The following MGAM2 variants were observed in gnomAD, a reference collection of about 807,000 sequenced individuals.
MGAM2 encodes maltase-glucoamylase 2 (putative), also known as probable maltase-glucoamylase 2.
MGAM2 carries 98 observed loss-of-function variants against 96.1 expected under a neutral mutation model. That is an observed-to-expected ratio of 1.02 (90% CI 0.87 to 1.21). The LOEUF (loss-of-function observed/expected upper bound fraction) is 1.21. Ranked by LOEUF, MGAM2 falls within the 50% of genes most tolerant of loss-of-function variation. The pLI, the probability that MGAM2 is intolerant of heterozygous loss-of-function variation, is 0.00. For missense variants in MGAM2, 2,055 were observed against 1,182.4 expected, an observed-to-expected ratio of 1.74 and a Z score of -10.82; for synonymous variants, 749 against 414.8, an observed-to-expected ratio of 1.81 and a Z score of -9.79.
At chr7:142,195,723 T>G (rs4726495) in intron 37 of MGAM2, among the ~76,000 whole-genome samples, 103,793 of 151,818 alleles carry the variant, frequency 0.68, 35,530 homozygotes, top group African/African-American at 0.72. Context: ...CAGCTCACTA[T>G]TTTCAGGCGA....
At chr7:142,160,994 C>A (rs905805334) in intron 21 of MGAM2, 131 bp from the exon 22 acceptor site, 1 of 557,794 alleles carries the variant, frequency 1.8e-6, no homozygotes, top group Middle Eastern at 3.5e-4. Flanking sequence ...CATGTGTCCA[C>A]CCAATATCAA....
At chr7:142,123,269 C>A (rs540481030) in intron 3 of MGAM2, among the ~76,000 whole-genome samples, 34 of 150,562 alleles carry the variant, frequency 2.3e-4, no homozygotes, top group Non-Finnish European at 3.7e-4. Context: ...AAATTTGCAT[C>A]AAATTTTTGG....
intron 46 of MGAM2, among the ~76,000 whole-genome samples, chr7:142,214,439 T>C (rs987257399): frequency 1.3e-5 from 2 of 152,202 alleles, no homozygotes; most frequent in Admixed American, 6.5e-5. Flanking sequence ...CTCATTAAGG[T>C]GATAAGCAAC....
At chr7:142,120,551 AG>A (rs1391505834) in intron 3 of MGAM2, among the ~76,000 whole-genome samples, 170 bp downstream of exon 3, 1 of 152,134 alleles carries the variant, frequency 6.6e-6, no homozygotes, top group Non-Finnish European at 1.5e-5. Context: ...TGAGGGAAGC[AG>A]GGTTGAAAAA....
intron 36 of MGAM2, 52 bp from the exon 37 acceptor site, chr7:142,189,315 A>C: frequency 1.6e-6 from 1 of 609,080 alleles, no homozygotes. Context: ...GGGCATTTCT[A>C]GTGAATGTGC....
At position 142,161,106 on chromosome 7, in the gene MGAM2, G is replaced by A; in HGVS notation, c.2346-19G>A. The A allele has an allele frequency of 1.4e-6, 1 of 701,876 alleles. No homozygotes were observed. 43.5% of individuals were successfully genotyped at this position (701,876 alleles called of 1,614,324 possible). ...CATCTCATCTACATTCTCTGAAACTGGGAAGTACTCTTTTACAGCCGGAGG... is the reference window on the plus strand; with the variant it reads ...CATCTCATCTACATTCTCTGAAACTAGGAAGTACTCTTTTACAGCCGGAGG... On this transcript the variant is annotated intron_variant, in intron 21 of 47. Transcript: ENST00000477922.
intron 31 of MGAM2, 41 bp downstream of exon 31, chr7:142,173,395 G>A (rs1224152551): frequency 1.4e-6 from 1 of 692,238 alleles, no homozygotes; most frequent in Non-Finnish European, 2.7e-6. Context: ...ATTAGTTACA[G>A]GAATTTGTGG....
In MGAM2 at chr7:142,161,120, T is replaced by A; in HGVS notation, c.2346-5T>A. 1 of 702,392 alleles carries A rather than the reference T, an allele frequency of 1.4e-6. No homozygotes were observed. The highest frequency in any genetic ancestry group is 2.6e-6 in the Non-Finnish European group (1 of 384,544). 43.5% of individuals were successfully genotyped at this position (702,392 alleles called of 1,614,324 possible). On this transcript the variant is annotated splice_region_variant and splice_polypyrimidine_tract_variant and intron_variant, in intron 21 of 47. Coordinates refer to ENST00000477922, the MANE Select transcript of MGAM2 (RefSeq NM_001293626.2). ...TCTCTGAAACTGGGAAGTACTCTTT[T>A]ACAGCCGGAGGAATTCCCTGGGACT...
At chr7:142,185,896 A>G (rs1217700584) in intron 34 of MGAM2, 93 bp from the exon 35 acceptor site, 3 of 634,800 alleles carry the variant, frequency 4.7e-6, no homozygotes, top group East Asian at 2.7e-5. Flanking sequence ...GCAGAGACTG[A>G]TCTGGGCAGG....
intron 47 of MGAM2, 139 bp from the exon 48 acceptor site, chr7:142,219,731 C>CT: frequency 1.7e-6 from 1 of 592,982 alleles, no homozygotes; most frequent in South Asian, 2.1e-5. Context: ...ATGACCTAAC[C>CT]CAAAAAGGAA....
chr7:142,149,469 A>G (rs1795489335), intron 15 of MGAM2, among the ~76,000 whole-genome samples: 1 of 152,186 alleles, frequency 6.6e-6, no homozygotes, highest in Admixed American at 6.5e-5. Context: ...AAAATCTATA[A>G]TTATACCTGA....
At chr7:142,202,644 G>C (rs749980224) in intron 45 of MGAM2, among the ~76,000 whole-genome samples, 1 of 152,156 alleles carries the variant, frequency 6.6e-6, no homozygotes, top group Non-Finnish European at 1.5e-5. Flanking sequence ...CATAGGACAT[G>C]ATTTCATTCT....
intron 6 of MGAM2, 147 bp from the exon 7 acceptor site, chr7:142,133,834 C>A: frequency 1.9e-6 from 1 of 515,214 alleles, no homozygotes; most frequent in Non-Finnish European, 3.5e-6. Flanking sequence ...ACCAGAGGTG[C>A]CCTAGAAAGG....
intron 3 of MGAM2, among the ~76,000 whole-genome samples, chr7:142,125,392 T>C (rs1794703699): frequency 6.6e-6 from 1 of 152,186 alleles, no homozygotes; most frequent in South Asian, 2.1e-4. Context: ...TAAATGTTTA[T>C]TGCTTTTTAT....
chr7:142,184,408 GCCTT>G (rs1796634092), intron 33 of MGAM2, among the ~76,000 whole-genome samples: 1 of 152,036 alleles, frequency 6.6e-6, no homozygotes, highest in African/African-American at 2.4e-5. Flanking sequence ...CTGTAATATT[GCCTT>G]CAGTATAGCA....
intron 3 of MGAM2, among the ~76,000 whole-genome samples, chr7:142,128,261 A>G (rs538914615): frequency 3.3e-5 from 5 of 152,304 alleles, no homozygotes; most frequent in Admixed American, 3.3e-4. Flanking sequence ...CAGCTTATGT[A>G]TTCATGAAGA....
chr7:142,176,301 T>C (rs1796374278), intron 32 of MGAM2, among the ~76,000 whole-genome samples: 2 of 152,184 alleles, frequency 1.3e-5, no homozygotes, highest in Non-Finnish European at 2.9e-5. Context: ...ATTATATTAC[T>C]AGGAAGCCAC....
chr7:142,161,793 A>G (rs998633695), intron 22 of MGAM2, among the ~76,000 whole-genome samples, 162 bp from the exon 23 acceptor site: 1 of 152,286 alleles, frequency 6.6e-6, no homozygotes, highest in South Asian at 2.1e-4. Flanking sequence ...TTTAGAGAAA[A>G]TGGTCCAGGA....
chr7:142,122,439 G>A (rs1362867783), intron 3 of MGAM2, among the ~76,000 whole-genome samples: 1 of 152,196 alleles, frequency 6.6e-6, no homozygotes, highest in Non-Finnish European at 1.5e-5. Context: ...CTACACATGT[G>A]TAAGCCAAAC....
Sources: allele counts gnomAD v4.1 joint callset (sites outside exome capture counted in the v4.1 genomes callset), GRCh38; gene constraint gnomAD v4.1.1; transcripts MANE v1.5; gene names NCBI Gene and HGNC (gene_info 2026-07-23, HGNC 2026-07-21).